The following KDM1A variants were observed in gnomAD, a reference collection of about 807,000 sequenced individuals.
KDM1A encodes lysine-specific histone demethylase 1A.
A neutral mutation model predicts 109.4 loss-of-function variants in KDM1A; 49 were observed. The observed-to-expected ratio is 0.45, with a 90% CI of 0.36 to 0.57. The LOEUF (loss-of-function observed/expected upper bound fraction) is 0.57. Among genes scored for constraint, KDM1A ranks in the 20% least tolerant of loss-of-function variants. The pLI is 0.00. For missense variants in KDM1A, 668 were observed against 1,116.6 expected, an observed-to-expected ratio of 0.60 and a Z score of 5.73; for synonymous variants, 380 against 415.4, an observed-to-expected ratio of 0.91 and a Z score of 1.04.
chr1:23,042,440 A>ATTATTATTATTATTATTATTAT (rs1553127465), intron 2 of KDM1A, among the ~76,000 whole-genome samples: 5 of 21,558 alleles, frequency 2.3e-4, no homozygotes, highest in Non-Finnish European at 4.5e-4. Context: ...GAAATATATT[A>ATTATTATTATTATTATTATTAT]TTTTTTTTTT....
chr1:23,024,368 C>T (rs949610211), intron 1 of KDM1A, among the ~76,000 whole-genome samples: 5 of 152,132 alleles, frequency 3.3e-5, no homozygotes, highest in African/African-American at 1.2e-4. Flanking sequence ...GAATAAAAAG[C>T]AAGCTGAGGC....
chr1:23,049,731 T>C (rs574923495), intron 3 of KDM1A, among the ~76,000 whole-genome samples: 1 of 151,884 alleles, frequency 6.6e-6, no homozygotes, highest in Non-Finnish European at 1.5e-5. Context: ...CAGTGTATAG[T>C]GTATGTATAC....
chr1:23,035,930 T>G (rs941767210), intron 2 of KDM1A, among the ~76,000 whole-genome samples: 5 of 152,122 alleles, frequency 3.3e-5, no homozygotes, highest in African/African-American at 4.8e-5. Flanking sequence ...GGTACTAATA[T>G]TTTCACCTTA....
chr1:23,063,806 T>A (rs10753553), intron 9 of KDM1A, among the ~76,000 whole-genome samples: 113,839 of 152,170 alleles, frequency 0.75, 43,475 homozygotes, highest in Non-Finnish European at 0.83. Context: ...TTCCATACAC[T>A]CTAATCACTG....
At chr1:23,025,561 C>T (rs2124347343) in intron 1 of KDM1A, among the ~76,000 whole-genome samples, 1 of 152,172 alleles carries the variant, frequency 6.6e-6, no homozygotes, top group East Asian at 1.9e-4. Context: ...AACTCCTTAC[C>T]TCAGGTGATC....
In KDM1A at chr1:23,030,539, GA is replaced by G; in HGVS notation, c.425del (p.Asn142MetfsTer67). On this transcript the variant is annotated frameshift_variant, in exon 2 of 21. Coordinates refer to ENST00000400181, the MANE Select transcript of KDM1A (RefSeq NM_001009999.3). LOFTEE classifies it high-confidence loss of function. The stretch of plus-strand genomic sequence containing the variant: ...GATGAGTATTATTCAGAAGAAGAGA[GA>G]AATGCCAAAGCAGAGAAGGAAAAGA... Reference protein sequence around the residue: ...SEDEYYSEEERNAKAEKEKKL... With the variant: ...SEDEYYSEEEXNAKAEKEKKL... 6.2e-7 allele frequency: 1 copy of G among 1,612,914 alleles called. No homozygotes were observed. Among genetic ancestry groups the G allele is most frequent in the Non-Finnish European group, 8.5e-7 (1 of 1,179,718 alleles).
chr1:23,061,379 G>A (rs1273850159), intron 9 of KDM1A, among the ~76,000 whole-genome samples: 1 of 152,138 alleles, frequency 6.6e-6, no homozygotes. Flanking sequence ...GTGGTTTTTA[G>A]CATTTTGAAT....
chr1:23,041,007 A>C (rs1209974479), intron 2 of KDM1A, among the ~76,000 whole-genome samples: 2 of 152,208 alleles, frequency 1.3e-5, no homozygotes, highest in Non-Finnish European at 2.9e-5. Flanking sequence ...ATGTGTCCTG[A>C]GCCACTATCA....
In KDM1A at chr1:23,025,901, T is replaced by C. The variant is rs142793029; in HGVS notation, c.352-4568T>C. On this transcript the variant is annotated intron_variant, in intron 1 of 20. Coordinates refer to ENST00000400181, the MANE Select transcript of KDM1A (RefSeq NM_001009999.3). The stretch of plus-strand genomic sequence containing the variant: ...GAGCCCAGGAGTTTGATATCAGCCT[T>C]GGCAACACGGCAAAACCCTGTTTAT... 3.1e-3 allele frequency among the ~76,000 whole-genome samples: 479 copies of C among 152,080 alleles called. 2 individuals carry two copies. The highest frequency in any genetic ancestry group is 0.011 in the African/African-American group (462 of 41,500).
Position 23,073,304 on chromosome 1 carries a change from C to G in KDM1A, c.1635C>G (p.Leu545=), listed in dbSNP as rs369674278. The change falls in exon 15 of 21, where the codon CTC becomes CTG. Residue 545 remains leucine (L), a synonymous_variant. Coordinates refer to ENST00000400181, the MANE Select transcript of KDM1A (RefSeq NM_001009999.3). ...TGTTCTTTTGCAGTGATGTATATCT[C>G]TCATCAAGAGACAGACAAATACTTG... ...LEANPPSDVY[L]SSRDRQILDW... 3.2e-6 allele frequency: 5 copies of G among 1,583,764 alleles called. No homozygotes were observed. Among genetic ancestry groups the G allele is most frequent in the Non-Finnish European group, 4.3e-6 (5 of 1,153,586 alleles).
At chr1:23,040,569 G>T (rs1642280676) in intron 2 of KDM1A, among the ~76,000 whole-genome samples, 1 of 151,898 alleles carries the variant, frequency 6.6e-6, no homozygotes, top group African/African-American at 2.4e-5. Context: ...GGCTGAAGTG[G>T]GAGGCTAGGA....
chr1:23,066,069 A>C lies in KDM1A; in HGVS notation c.1177A>C (p.Lys393Gln). 6.3e-7 allele frequency: 1 copy of C among 1,595,026 alleles called. No homozygotes were observed. The highest frequency in any genetic ancestry group is 1.1e-5 in the South Asian group (1 of 90,452). Residue 393 changes from lysine (K) to glutamine (Q), a missense_variant and splice_region_variant, in exon 10 of 21, where the codon AAG (lysine) becomes CAG (glutamine). Physicochemically the swap from Lys to Gln is moderately conservative, Grantham distance 53. Transcript: ENST00000400181. ...CTGCACTGGTTAAAAGGACACTGTC[A>C]AGGTATTTTTTTCATAATTTTTCAA... ...YEANGQADTVKVPKEKDEMVE... is the reference protein window; with the variant it reads ...YEANGQADTVQVPKEKDEMVE...
At chr1:23,077,744 A>T (rs1204757918) in intron 16 of KDM1A, among the ~76,000 whole-genome samples, 1 of 152,192 alleles carries the variant, frequency 6.6e-6, no homozygotes, top group African/African-American at 2.4e-5. Flanking sequence ...AAGTATATTC[A>T]TAAATACCAG....
In KDM1A at chr1:23,057,467, C is replaced by T. The variant is rs1204479902; in HGVS notation, c.991-17C>T. The T allele has an allele frequency of 5.6e-6, 9 of 1,609,588 alleles. No individual in the cohort carries two copies. The highest frequency in any genetic ancestry group is 7.7e-6 in the Non-Finnish European group (9 of 1,176,170). ...AAAACAGAATTGATGATTTTGGCTA[C>T]TTAATTTCTGAAACAGGATCGTGTG... is the stretch of plus-strand genomic sequence containing the variant. On this transcript the variant is annotated splice_polypyrimidine_tract_variant and intron_variant, in intron 7 of 20. Transcript: ENST00000400181.
intron 14 of KDM1A, among the ~76,000 whole-genome samples, chr1:23,072,892 G>A (rs938287719): frequency 2.0e-5 from 3 of 152,056 alleles, no homozygotes; most frequent in African/African-American, 7.2e-5. Flanking sequence ...CACCTGCCTC[G>A]ACCTCCCAAA....
At position 23,066,831 on chromosome 1, in the gene KDM1A, G is replaced by A. The variant is rs1643173663; in HGVS notation, c.1179+760G>A. On this transcript the variant is annotated intron_variant, in intron 10 of 20. Transcript: ENST00000400181. ...CAGAACCATCTTTTGTAGCATCATT[G>A]CAGGATTTGCACTAGAAGTAGCATG... Among the ~76,000 whole-genome samples the A allele has an allele frequency of 2.0e-5, 3 of 152,162 alleles. No homozygotes were observed. In the South Asian group the frequency reaches 6.2e-4, roughly 32 times the overall value.
chr1:23,073,169 A>T, intron 14 of KDM1A, 123 bp from the exon 15 acceptor site: 2 of 579,592 alleles, frequency 3.5e-6, no homozygotes, highest in African/African-American at 3.7e-5. Context: ...TTTGATTTGT[A>T]ATTTCTTCAT....
At chr1:23,071,527 T>A (rs2124517761) in intron 13 of KDM1A, among the ~76,000 whole-genome samples, 168 bp downstream of exon 13, 1 of 152,356 alleles carries the variant, frequency 6.6e-6, no homozygotes, top group Middle Eastern at 3.4e-3. Context: ...TTAGTTCGGT[T>A]TAAGACCTGC....
chr1:23,053,334 T>C (rs1161241942), intron 4 of KDM1A, among the ~76,000 whole-genome samples: 1 of 152,242 alleles, frequency 6.6e-6, no homozygotes, highest in African/African-American at 2.4e-5. Context: ...CTGTTTTAAT[T>C]AAAGGAAAGC....
Sources: gnomAD v4.1 joint callset for allele counts (sites outside exome capture counted in the v4.1 genomes callset) on GRCh38, gnomAD v4.1.1 for gene constraint, MANE v1.5 for transcripts, NCBI Gene and HGNC (gene_info 2026-07-23, HGNC 2026-07-21) for gene names.